Variants in PLA2G10 observed in about 807,000 individuals in gnomAD.
The protein encoded by PLA2G10 is phospholipase A2 group X, also known as group 10 secretory phospholipase A2.
A neutral mutation model predicts 7.9 loss-of-function variants in PLA2G10; 9 were observed. The ratio of observed to expected loss-of-function variants is 1.14; its 90% CI spans 0.68 to 1.98. PLA2G10 has a LOEUF of 1.98. Among genes scored for constraint, PLA2G10 ranks in the 30% most tolerant of loss-of-function variants. The pLI, the probability that PLA2G10 is intolerant of heterozygous loss-of-function variation, is 0.00. For synonymous variants in PLA2G10, 19 were observed against 27.5 expected, an observed-to-expected ratio of 0.69 and a Z score of 0.97; for missense variants, 53 against 65.4, an observed-to-expected ratio of 0.81 and a Z score of 0.66.
intron 3 of PLA2G10, among the ~76,000 whole-genome samples, chr16:14,684,534 C>T (rs1375910298): frequency 6.6e-5 from 10 of 151,696 alleles, no homozygotes; most frequent in South Asian, 2.1e-4. Flanking sequence ...GGCGTGGTGG[C>T]GGGCACCTGA....
rs534646744 is a variant in PLA2G10, at chr16:14,678,507, G to T, written c.356-5758C>A. 2.2e-5 allele frequency: 5 copies of T among 231,832 alleles called. 1 individual carries two copies. The highest frequency in any genetic ancestry group is 1.3e-4 in the South Asian group (3 of 22,704). The allele number at this position is 231,832 out of a possible 1,614,324, so 14.4% of individuals were successfully genotyped here. ...ATCAAGGCCGAGTGTGGTGGCTCAC[G>T]CCTGTAATCCCAACATTTTGGGAGG... On this transcript the variant is annotated intron_variant, in intron 3 of 3. Transcript: ENST00000438167.
At chr16:14,676,790 C>T (rs868073395) in intron 3 of PLA2G10, among the ~76,000 whole-genome samples, 1 of 152,180 alleles carries the variant, frequency 6.6e-6, no homozygotes. Context: ...GATGAAGCAA[C>T]TTGGATGAAT....
intron 3 of PLA2G10, among the ~76,000 whole-genome samples, chr16:14,682,823 C>A (rs557592969): frequency 1.3e-5 from 2 of 152,180 alleles, no homozygotes; most frequent in African/African-American, 4.8e-5. Flanking sequence ...AATCCCAGCA[C>A]TTTGGGAGGC....
chr16:14,675,932 CAAA>C (rs59516741), intron 3 of PLA2G10, among the ~76,000 whole-genome samples: 1 of 46,670 alleles, frequency 2.1e-5, no homozygotes, highest in Non-Finnish European at 4.7e-5. Flanking sequence ...GAGCAAGACT[CAAA>C]AAAAAAAAAA....
chr16:14,686,433 T>C (rs1961066484), intron 3 of PLA2G10, among the ~76,000 whole-genome samples: 1 of 152,202 alleles, frequency 6.6e-6, no homozygotes, highest in Non-Finnish European at 1.5e-5. Flanking sequence ...CCTAGTTGTT[T>C]TCATTGTTTT....
rs909163524 is a variant in PLA2G10, at chr16:14,687,885, G to A, written c.355+280C>T. On this transcript the variant is annotated intron_variant, in intron 3 of 3. Transcript: ENST00000438167. Reference sequence around the variant, plus strand: ...GTGATGGTGCATGCCTGTAGTCCCAGCCACTTGGGAGGCTGAGGCACGAGA... The same window carrying A: ...GTGATGGTGCATGCCTGTAGTCCCAACCACTTGGGAGGCTGAGGCACGAGA... 2.0e-5 allele frequency among the ~76,000 whole-genome samples: 3 copies of A among 151,830 alleles called. No individual in the cohort carries two copies. The South Asian group carries it at 6.2e-4, about 32-fold the overall frequency.
intron 3 of PLA2G10, among the ~76,000 whole-genome samples, chr16:14,683,690 TA>T (rs760244992): frequency 2.0e-5 from 3 of 152,154 alleles, no homozygotes; most frequent in Non-Finnish European, 4.4e-5. Flanking sequence ...ATCAATGACC[TA>T]AATATTAGAG....
chr16:14,683,629 T>A (rs890528570), intron 3 of PLA2G10, among the ~76,000 whole-genome samples: 1 of 152,148 alleles, frequency 6.6e-6, no homozygotes. Context: ...TGCAAAAGAA[T>A]AAAGTTCAAC....
chr16:14,672,880 A>C, intron 3 of PLA2G10, 131 bp from the exon 4 acceptor site: 15 of 786,132 alleles, frequency 1.9e-5, no homozygotes, highest in Non-Finnish European at 2.9e-5. Context: ...CGTGATCTCC[A>C]TCTGCAGGGC....
intron 3 of PLA2G10, among the ~76,000 whole-genome samples, chr16:14,687,407 C>T (rs1239870871): frequency 6.7e-6 from 1 of 150,326 alleles, no homozygotes; most frequent in Non-Finnish European, 1.5e-5. Context: ...CAGCTCACTG[C>T]AGCCTCAACC....
intron 3 of PLA2G10, among the ~76,000 whole-genome samples, chr16:14,683,051 A>G (rs897249272): frequency 6.6e-6 from 1 of 151,998 alleles, no homozygotes; most frequent in Non-Finnish European, 1.5e-5. Flanking sequence ...CCTGGGCGAC[A>G]GAGCAAGACT....
At chr16:14,675,403 A>G (rs1014600908) in intron 3 of PLA2G10, among the ~76,000 whole-genome samples, 15 of 152,112 alleles carry the variant, frequency 9.9e-5, no homozygotes, top group Non-Finnish European at 2.2e-4. Flanking sequence ...TCCCCTGGAC[A>G]TTGACCTAGG....
intron 3 of PLA2G10, among the ~76,000 whole-genome samples, chr16:14,674,663 C>G (rs901418929): frequency 1.3e-5 from 2 of 151,596 alleles, no homozygotes; most frequent in African/African-American, 4.9e-5. Context: ...ATCATGCCCC[C>G]TGCACTCCAG....
chr16:14,675,768 G>T (rs925886583), intron 3 of PLA2G10, among the ~76,000 whole-genome samples: 9 of 151,466 alleles, frequency 5.9e-5, no homozygotes, highest in Non-Finnish European at 2.9e-5. Flanking sequence ...GTGAAACCCC[G>T]TCTCTACTAA....
chr16:14,676,336 T>C (rs1960724817), intron 3 of PLA2G10, among the ~76,000 whole-genome samples: 1 of 152,204 alleles, frequency 6.6e-6, no homozygotes, highest in Non-Finnish European at 1.5e-5. Flanking sequence ...ACAGTCACAA[T>C]TGCAAAGATA....
At chr16:14,682,797 G>C (rs1316089548) in intron 3 of PLA2G10, among the ~76,000 whole-genome samples, 9 of 152,094 alleles carry the variant, frequency 5.9e-5, no homozygotes, top group Non-Finnish European at 1.3e-4. Context: ...AGCTGGGCAT[G>C]GTGGCTCATA....
chr16:14,685,291 G>C (rs1218036800), intron 3 of PLA2G10, among the ~76,000 whole-genome samples: 1 of 151,276 alleles, frequency 6.6e-6, no homozygotes, highest in Non-Finnish European at 1.5e-5. Context: ...AGAATCGCTT[G>C]AACCCGGGAG....
chr16:14,685,662 T>C lies in PLA2G10; in HGVS notation c.355+2503A>G, dbSNP rs138781255. 4.5e-3 allele frequency among the ~76,000 whole-genome samples: 680 copies of C among 152,202 alleles called. 4 individuals are homozygous for C. The highest frequency in any genetic ancestry group is 0.034 in the Middle Eastern group (10 of 294). On this transcript the variant is annotated intron_variant, in intron 3 of 3. Transcript: ENST00000438167. Reference sequence around the variant, plus strand: ...TATCACTGAATTATACACTTTAACATAGTTAATTTTGTGTTATGTCTATTT... The same window carrying C: ...TATCACTGAATTATACACTTTAACACAGTTAATTTTGTGTTATGTCTATTT...
At chr16:14,676,009 G>GA (rs990320133) in intron 3 of PLA2G10, among the ~76,000 whole-genome samples, 1 of 150,462 alleles carries the variant, frequency 6.6e-6, no homozygotes, top group Non-Finnish European at 1.5e-5. Flanking sequence ...ACCAGCAAAT[G>GA]AAAAAATGTT....
Sources: allele counts gnomAD v4.1 joint callset (sites outside exome capture counted in the v4.1 genomes callset), GRCh38; gene constraint gnomAD v4.1.1; transcripts MANE v1.5; gene names NCBI Gene and HGNC (gene_info 2026-07-23, HGNC 2026-07-21).